CC2D2A: variants seen among roughly 807,000 people sequenced by gnomAD.
The protein encoded by CC2D2A is coiled-coil and C2 domain containing 2A.
Under a neutral mutation model 212.9 loss-of-function variants are expected in CC2D2A, and 155 were observed. The ratio of observed to expected loss-of-function variants is 0.73; its 90% CI spans 0.64 to 0.83. The LOEUF (loss-of-function observed/expected upper bound fraction) is 0.83, where lower values mean the gene tolerates loss of function less well. CC2D2A is among the 40% of genes least tolerant of loss of function. The pLI, the probability that CC2D2A is intolerant of heterozygous loss-of-function variation, is 0.00. For synonymous variants in CC2D2A, 667 were observed against 686.5 expected (o/e 0.97, Z 0.44); for missense variants, 1,856 against 1,956.2 (o/e 0.95, Z 0.97).
intron 18 of CC2D2A, among the ~76,000 whole-genome samples, chr4:15,552,351 C>T (rs543549442): frequency 6.6e-6 from 1 of 152,318 alleles, no homozygotes; most frequent in African/African-American, 2.4e-5. Flanking sequence ...GCCAGTAATG[C>T]TCTTTTCCAA....
chr4:15,532,185 T>C (rs1018790570), intron 13 of CC2D2A, among the ~76,000 whole-genome samples: 1 of 152,182 alleles, frequency 6.6e-6, no homozygotes, highest in African/African-American at 2.4e-5. Context: ...GAATATTTCT[T>C]ATTCTAGTTT....
At chr4:15,569,220 A>C in intron 26 of CC2D2A, 73 bp from the exon 27 acceptor site, 1 of 812,020 alleles carries the variant, frequency 1.2e-6, no homozygotes, top group Non-Finnish European at 2.0e-6. Context: ...TATTTTTCAA[A>C]TGCTGACATT....
At chr4:15,481,842 C>A in intron 4 of CC2D2A, 1 of 985,352 alleles carries the variant, frequency 1.0e-6, no homozygotes, top group Non-Finnish European at 1.2e-6. Flanking sequence ...TTAGGGAAGA[C>A]ATATGTGTTA....
intron 4 of CC2D2A, among the ~76,000 whole-genome samples, chr4:15,483,435 T>C (rs1714811615): frequency 6.6e-6 from 1 of 152,200 alleles, no homozygotes; most frequent in African/African-American, 2.4e-5. Flanking sequence ...AGCAGCCATG[T>C]GCTTTATGAC....
At chr4:15,477,761 A>T (rs775421750) in intron 2 of CC2D2A, among the ~76,000 whole-genome samples, 1 of 152,164 alleles carries the variant, frequency 6.6e-6, no homozygotes, top group African/African-American at 2.4e-5. Flanking sequence ...AACCAAGGCT[A>T]TTCTCTCGTT....
chr4:15,524,447 ATTT>A (rs71179636), intron 11 of CC2D2A, among the ~76,000 whole-genome samples: 20 of 89,980 alleles, frequency 2.2e-4, no homozygotes, highest in East Asian at 6.9e-4. Flanking sequence ...AAAATTTTTA[ATTT>A]TTTTTTTTTT....
chr4:15,488,138 T>C (rs1296730882), intron 4 of CC2D2A, among the ~76,000 whole-genome samples: 1 of 152,218 alleles, frequency 6.6e-6, no homozygotes, highest in Non-Finnish European at 1.5e-5. Context: ...GTCTGTGTAC[T>C]TATGTTCACT....
intron 18 of CC2D2A, 37 bp from the exon 19 acceptor site, chr4:15,553,121 T>C (rs769423921): frequency 6.4e-7 from 1 of 1,553,044 alleles, no homozygotes; most frequent in South Asian, 1.3e-5. Context: ...AGTCCCTCTT[T>C]CTAAACAGCA....
chr4:15,601,215 T>A (rs774525617), intron 36 of CC2D2A, 22 bp from the exon 37 acceptor site: 1 of 1,592,436 alleles, frequency 6.3e-7, no homozygotes, highest in Middle Eastern at 1.7e-4. Flanking sequence ...CACTAATGAC[T>A]ACAAATGTTT....
Position 15,558,881 on chromosome 4 carries a change from T to C in CC2D2A, c.2830-284T>C, listed in dbSNP as rs370812263. On this transcript the variant is annotated intron_variant, in intron 21 of 36. Coordinates refer to ENST00000424120, the MANE Select transcript of CC2D2A (RefSeq NM_001378615.1). ...AACTTAAGCAGGAGCTTTGGCTAAATTGCTTGGAAGAGCTTCTCTGTGGCC... is the reference window on the plus strand; with the variant it reads ...AACTTAAGCAGGAGCTTTGGCTAAACTGCTTGGAAGAGCTTCTCTGTGGCC... Among the ~76,000 whole-genome samples the C allele has an allele frequency of 1.3e-3, 199 of 152,290 alleles. 2 individuals are homozygous for C. The highest frequency in any genetic ancestry group is 4.5e-3 in the African/African-American group (189 of 41,574).
chr4:15,566,552 G>A (rs949221888), intron 24 of CC2D2A, among the ~76,000 whole-genome samples: 11 of 152,070 alleles, frequency 7.2e-5, no homozygotes, highest in Non-Finnish European at 2.9e-5. Flanking sequence ...AGTTGGGGAA[G>A]GCTCTAGCAA....
In CC2D2A at chr4:15,574,211, AT is replaced by A; in HGVS notation, c.3657del (p.Asn1219LysfsTer2). ...PVLLGYSKERNMILERGFDSV... is the reference protein window; with the variant it reads ...PVLLGYSKERXMILERGFDSV... ...CTTCTGGGCTACAGTAAGGAGCGAAATATGATTCTTGAGCGGGGTTTTGATT... is the reference window on the plus strand; with the variant it reads ...CTTCTGGGCTACAGTAAGGAGCGAAAATGATTCTTGAGCGGGGTTTTGATT... On this transcript the variant is annotated frameshift_variant, in exon 29 of 37. Transcript: ENST00000424120. LOFTEE classifies it high-confidence loss of function. 1 of 1,551,560 alleles carries A rather than the reference AT, an allele frequency of 6.4e-7. No homozygotes were observed. The highest frequency in any genetic ancestry group is 8.7e-7 in the Non-Finnish European group (1 of 1,146,872).
intron 4 of CC2D2A, among the ~76,000 whole-genome samples, chr4:15,500,445 T>A (rs1284171990): frequency 6.6e-6 from 1 of 152,174 alleles, no homozygotes; most frequent in Non-Finnish European, 1.5e-5. Context: ...TGATTTTAAG[T>A]GAGTTTTAAA....
At chr4:15,527,364 C>T in intron 11 of CC2D2A, 83 bp from the exon 12 acceptor site, 4 of 1,009,386 alleles carry the variant, frequency 4.0e-6, no homozygotes, top group Non-Finnish European at 4.4e-6. Context: ...TTGCATCTGA[C>T]CGTTTTCCCA....
Position 15,570,495 on chromosome 4 carries a change from G to A in CC2D2A, c.3593G>A (p.Arg1198Lys). 3 of 1,588,084 alleles carry A rather than the reference G, an allele frequency of 1.9e-6. No individual in the cohort carries two copies. The South Asian group carries it at 3.4e-5, about 18-fold the overall frequency. Residue 1198 changes from arginine (R) to lysine (K), a missense_variant and splice_region_variant, in exon 28 of 37, where the codon AGG becomes AAG. By Grantham distance (26) the Arg-to-Lys change is conservative. Transcript: ENST00000424120. Reference protein sequence around the residue: ...MPFSTIYFQARIDGTFKIDIP... With the variant: ...MPFSTIYFQAKIDGTFKIDIP... ...TTTAGCACAATATATTTCCAAGCAA[G>A]GGTAAGTATCTAAAGTTAGAGGTCC... is the stretch of plus-strand genomic sequence containing the variant.
chr4:15,601,178 G>GA (rs1721577321), intron 36 of CC2D2A, 59 bp from the exon 37 acceptor site: 16 of 1,370,000 alleles, frequency 1.2e-5, no homozygotes, highest in South Asian at 7.3e-5. Context: ...ATTTACGTAG[G>GA]AAAAAATGTA....
At chr4:15,553,378 C>A in intron 19 of CC2D2A, 73 bp downstream of exon 19, 2 of 1,487,900 alleles carry the variant, frequency 1.3e-6, no homozygotes, top group Non-Finnish European at 1.8e-6. Context: ...GGAAAGAAAG[C>A]TTGCAGTATC....
chr4:15,562,408 T>C (rs1241461901), intron 23 of CC2D2A, among the ~76,000 whole-genome samples: 1 of 152,262 alleles, frequency 6.6e-6, no homozygotes, highest in Non-Finnish European at 1.5e-5. Flanking sequence ...CAGAATTTAT[T>C]TGGTCCATGA....
At chr4:15,512,015 A>G (rs1477003385) in intron 8 of CC2D2A, among the ~76,000 whole-genome samples, 1 of 152,262 alleles carries the variant, frequency 6.6e-6, no homozygotes, top group African/African-American at 2.4e-5. Flanking sequence ...CAAACCCACA[A>G]TGAGATACCC....
Sources: allele counts gnomAD v4.1 joint callset (sites outside exome capture counted in the v4.1 genomes callset), GRCh38; gene constraint gnomAD v4.1.1; transcripts MANE v1.5; gene names NCBI Gene and HGNC (gene_info 2026-07-23, HGNC 2026-07-21).